The following ARSK variants were observed in gnomAD, a reference collection of about 807,000 sequenced individuals.
The protein encoded by ARSK is arylsulfatase family member K.
ARSK carries 37 observed loss-of-function variants against 53.2 expected under a neutral mutation model. The ratio of observed to expected loss-of-function variants is 0.70; its 90% confidence interval spans 0.54 to 0.92. ARSK has a LOEUF of 0.92. ARSK is among the 40% of genes least tolerant of loss of function. The pLI is 0.00. For missense variants in ARSK, 613 were observed against 643.0 expected, an observed-to-expected ratio of 0.95 and a Z score of 0.51; for synonymous variants, 208 against 223.2, an observed-to-expected ratio of 0.93 and a Z score of 0.61.
chr5:95,560,147 G>A lies in ARSK; in HGVS notation c.126+4743G>A, dbSNP rs376580240. Among the ~76,000 whole-genome samples, 28 of 152,154 alleles carry A rather than the reference G, an allele frequency of 1.8e-4. 1 individual carries two copies. The highest frequency in any genetic ancestry group is 3.9e-4 in the East Asian group (2 of 5,182). On this transcript the variant is annotated intron_variant, in intron 1 of 7. Transcript: ENST00000380009. ...CAAGGAAATATAGTTCTTATACTCC[G>A]AAAACTACAAAACATTGTTGAAAGA...
At chr5:95,583,728 G>A (rs897178361) in intron 4 of ARSK, among the ~76,000 whole-genome samples, 9 of 152,184 alleles carry the variant, frequency 5.9e-5, no homozygotes, top group Non-Finnish European at 1.2e-4. Context: ...CTTGCCAGTA[G>A]ATTGAAGAGT....
chr5:95,579,878 G>A (rs1748993243), intron 3 of ARSK, among the ~76,000 whole-genome samples: 1 of 152,152 alleles, frequency 6.6e-6, no homozygotes, highest in Non-Finnish European at 1.5e-5. Flanking sequence ...CCTACCTGAG[G>A]ATAGATTAGA....
intron 3 of ARSK, 47 bp downstream of exon 3, chr5:95,568,096 G>A: frequency 6.4e-7 from 1 of 1,558,126 alleles, no homozygotes; most frequent in Non-Finnish European, 8.7e-7. Context: ...CTCTGCCATA[G>A]CGTGTACATG....
At chr5:95,586,988 T>A (rs1749123842) in intron 5 of ARSK, among the ~76,000 whole-genome samples, 1 of 152,184 alleles carries the variant, frequency 6.6e-6, no homozygotes, top group African/African-American at 2.4e-5. Context: ...AAGGCTATCA[T>A]CTACTTGAAA....
At chr5:95,578,836 T>G (rs1392636371) in intron 3 of ARSK, among the ~76,000 whole-genome samples, 1 of 152,222 alleles carries the variant, frequency 6.6e-6, no homozygotes, top group Non-Finnish European at 1.5e-5. Flanking sequence ...ACTGATTGTA[T>G]CCAATATTTT....
chr5:95,577,019 C>T (rs1748936520), intron 3 of ARSK, among the ~76,000 whole-genome samples: 1 of 152,204 alleles, frequency 6.6e-6, no homozygotes, highest in South Asian at 2.1e-4. Flanking sequence ...GGCCAGTCGA[C>T]AGGCTAGAAA....
Position 95,604,422 on chromosome 5 carries a change from A to T in ARSK, c.*896A>T, listed in dbSNP as rs1400826039. ...CCTCCAAGAAGCAAGTACCGAAACC[A>T]CCTGCTTACGCATTTTTAGAGATTG... On this transcript the variant is annotated 3_prime_UTR_variant, in exon 8 of 8. Transcript: ENST00000380009. 1.3e-5 allele frequency: 2 copies of T among 152,232 alleles called. No homozygotes were observed. The highest frequency in any genetic ancestry group is 3.8e-4 in the East Asian group (2 of 5,206). The allele number at this position is 152,232 out of a possible 1,614,324, so 9.4% of individuals were successfully genotyped here.
chr5:95,564,145 T>G (rs184530664), intron 1 of ARSK, among the ~76,000 whole-genome samples: 83 of 152,046 alleles, frequency 5.5e-4, no homozygotes, highest in Middle Eastern at 3.4e-3. Context: ...GCCTAGCTAA[T>G]TTTTGTATTT....
Position 95,583,195 on chromosome 5 carries a change from A to G in ARSK, c.696A>G (p.Glu232=), listed in dbSNP as rs1285258434. ...TTCACACATCTCTTTATTGGCTTGA[A>G]AAAGTAAGTAACTACATTGTGTGTG... ...STFHTSLYWL[E]KVSHDAIKIP... Residue 232 remains glutamate, a synonymous_variant, in exon 4 of 8, where the codon GAA becomes GAG. Coordinates refer to ENST00000380009, the MANE Select transcript of ARSK (RefSeq NM_198150.3). 1 of 1,554,802 alleles carries G rather than the reference A, an allele frequency of 6.4e-7. No homozygotes were observed. The highest frequency in any genetic ancestry group is 8.7e-7 in the Non-Finnish European group (1 of 1,145,196).
Position 95,603,759 on chromosome 5 carries a change from T to C in ARSK, c.*233T>C, listed in dbSNP as rs530593578. The C allele has an allele frequency of 1.1e-4, 28 of 261,566 alleles. No homozygotes were observed. The highest frequency in any genetic ancestry group is 1.3e-3 in the Middle Eastern group (1 of 784). 16.2% of individuals were successfully genotyped at this position (261,566 alleles called of 1,614,324 possible). A position where few individuals can be genotyped will look rare whatever the true frequency, so the allele number is the denominator to read the frequency against. ...CCTGTCTCTACTAAAAATACAAAAATTAGCTGGGCGCGGTGGTGCACACCT... is the reference window on the plus strand; with the variant it reads ...CCTGTCTCTACTAAAAATACAAAAACTAGCTGGGCGCGGTGGTGCACACCT... On this transcript the variant is annotated 3_prime_UTR_variant, in exon 8 of 8. Coordinates refer to ENST00000380009, the MANE Select transcript of ARSK (RefSeq NM_198150.3).
At chr5:95,590,223 T>G (rs1749188925) in intron 5 of ARSK, among the ~76,000 whole-genome samples, 1 of 152,100 alleles carries the variant, frequency 6.6e-6, no homozygotes, top group South Asian at 2.1e-4. Flanking sequence ...AAGTAGACTG[T>G]GGGAGAAAGG....
At chr5:95,597,476 G>A (rs1749329020) in intron 6 of ARSK, among the ~76,000 whole-genome samples, 2 of 152,192 alleles carry the variant, frequency 1.3e-5, no homozygotes, top group South Asian at 4.1e-4. Context: ...TTATGGTGTA[G>A]TATTAAAAGT....
intron 2 of ARSK, among the ~76,000 whole-genome samples, chr5:95,567,484 A>G (rs1748743833): frequency 6.6e-6 from 1 of 152,234 alleles, no homozygotes; most frequent in Admixed American, 6.5e-5. Flanking sequence ...GCAAAAGGAC[A>G]GGGAATAAGG....
At chr5:95,575,865 C>T (rs745570303) in intron 3 of ARSK, among the ~76,000 whole-genome samples, 4 of 152,152 alleles carry the variant, frequency 2.6e-5, no homozygotes, top group Admixed American at 1.3e-4. Context: ...CTTTTCAATT[C>T]GGATGCCCTT....
At chr5:95,600,526 C>A in intron 6 of ARSK, 1 of 451,414 alleles carries the variant, frequency 2.2e-6, no homozygotes, top group Non-Finnish European at 4.2e-6. Flanking sequence ...ATCTGCCAGG[C>A]ATTGTCCTCA....
At chr5:95,603,162 A>G (rs1749433022) in intron 7 of ARSK, 75 bp from the exon 8 acceptor site, 2 of 1,145,362 alleles carry the variant, frequency 1.7e-6, no homozygotes, top group Non-Finnish European at 2.4e-6. Flanking sequence ...CTAATACATT[A>G]CCTGTCATAA....
intron 3 of ARSK, among the ~76,000 whole-genome samples, chr5:95,575,039 T>A (rs917715200): frequency 1.4e-4 from 21 of 152,264 alleles, no homozygotes; most frequent in South Asian, 1.0e-3. Context: ...GAGATAGAGA[T>A]CTAGTTTCAT....
At chr5:95,595,410 G>C (rs1282801263) in intron 6 of ARSK, among the ~76,000 whole-genome samples, 4 of 152,124 alleles carry the variant, frequency 2.6e-5, no homozygotes, top group Non-Finnish European at 5.9e-5. Context: ...GTAAAGGCAT[G>C]GAATCAACCT....
intron 7 of ARSK, 112 bp downstream of exon 7, chr5:95,601,183 T>TGAGAAG (rs1749397351): frequency 9.5e-7 from 1 of 1,054,608 alleles, no homozygotes; most frequent in African/African-American, 1.6e-5. Context: ...ATCTGCTGCT[T>TGAGAAG]CTCATGCTAG....
Sources: allele counts gnomAD v4.1 joint callset (sites outside exome capture counted in the v4.1 genomes callset), GRCh38; gene constraint gnomAD v4.1.1; transcripts MANE v1.5; gene names NCBI Gene and HGNC (gene_info 2026-07-23, HGNC 2026-07-21).